GSPT1: variants seen among roughly 807,000 people sequenced by gnomAD.
GSPT1 encodes G1 to S phase transition 1, also known as eukaryotic peptide chain release factor GTP-binding subunit ERF3A.
Under a neutral mutation model 72.5 loss-of-function variants are expected in GSPT1, and 20 were observed. That is an observed-to-expected ratio of 0.28 (90% CI 0.19 to 0.40). The LOEUF (loss-of-function observed/expected upper bound fraction) is 0.40, where lower values mean the gene tolerates loss of function less well. GSPT1 is among the 10% of genes least tolerant of loss of function. GSPT1 has a pLI of 1.00. For synonymous variants in GSPT1, 334 were observed against 293.5 expected (o/e 1.14, Z -1.41); for missense variants, 580 against 811.9 (o/e 0.71, Z 3.47).
At position 11,883,105 on chromosome 16, in the gene GSPT1, T is replaced by C. The variant is rs192537751; in HGVS notation, c.1348-10A>G. ...CCACAGTGCCCATATCCTGATCAAATGTAAAATAAAATCCAGTTTCAGACT... is the reference window on the plus strand; with the variant it reads ...CCACAGTGCCCATATCCTGATCAAACGTAAAATAAAATCCAGTTTCAGACT... On this transcript the variant is annotated splice_polypyrimidine_tract_variant and intron_variant, in intron 10 of 14. Coordinates refer to ENST00000434724, the MANE Select transcript of GSPT1 (RefSeq NM_002094.4). 1.3e-5 allele frequency: 20 copies of C among 1,574,512 alleles called. No individual in the cohort carries two copies. In the African/African-American group the frequency reaches 2.4e-4, roughly 19 times the overall value.
At position 11,889,695 on chromosome 16, in the gene GSPT1, A is replaced by G. The variant is rs1242684107; in HGVS notation, c.776+1367T>C. Among the ~76,000 whole-genome samples the G allele has an allele frequency of 2.6e-5, 4 of 151,684 alleles. No individual in the cohort carries two copies. The East Asian group carries it at 7.9e-4, about 30-fold the overall frequency. ...CTAATTTTGTATTTTTAGTAGAGAC[A>G]GGGTTTCTCCATGTTGGTCAGGCTG... On this transcript the variant is annotated intron_variant, in intron 6 of 14. Coordinates refer to ENST00000434724, the MANE Select transcript of GSPT1 (RefSeq NM_002094.4).
intron 1 of GSPT1, among the ~76,000 whole-genome samples, chr16:11,905,786 G>T (rs1156662177): frequency 1.3e-5 from 2 of 152,122 alleles, no homozygotes; most frequent in African/African-American, 4.8e-5. Context: ...AGTGAGCTGA[G>T]ATCACTGAGT....
At chr16:11,873,657 A>T (rs1221323438) in intron 14 of GSPT1, among the ~76,000 whole-genome samples, 1 of 152,056 alleles carries the variant, frequency 6.6e-6, no homozygotes, top group Non-Finnish European at 1.5e-5. Context: ...GTGCGACTTC[A>T]GCTGACTGCA....
rs1182877618 is a variant in GSPT1, at chr16:11,877,551, G to A, written c.1458C>T (p.Ser486=). 5.0e-6 allele frequency: 8 copies of A among 1,596,652 alleles called. No homozygotes were observed. Among genetic ancestry groups the A allele is most frequent in the South Asian group, 3.4e-5 (3 of 87,332 alleles). The change falls in exon 12 of 15, where the codon TCC becomes TCT. Residue 486 remains serine (S), a synonymous_variant. Coordinates refer to ENST00000434724, the MANE Select transcript of GSPT1 (RefSeq NM_002094.4). The surrounding 1 kb of genome is among the most constrained non-coding windows in gnomAD (Gnocchi z 4.0). ...CTACGGTATCAGTCTCTACATCATCGGAAAGTATTCCAAGAACTTCCACGT... is the reference window on the plus strand; with the variant it reads ...CTACGGTATCAGTCTCTACATCATCAGAAAGTATTCCAAGAACTTCCACGT... ...KHNVEVLGIL[S]DDVETDTVAP...
chr16:11,889,681 T>G (rs1343974877), intron 6 of GSPT1, among the ~76,000 whole-genome samples: 1 of 151,762 alleles, frequency 6.6e-6, no homozygotes, highest in African/African-American at 2.4e-5. Flanking sequence ...TAATTTTGTA[T>G]TTTTAGTAGA....
At position 11,877,025 on chromosome 16, in the gene GSPT1, T is replaced by C; in HGVS notation, c.1602+382A>G. ...CATTCTCCCAGGGAGGTTAGATTGT[T>C]AATAACAGGGAAACCTGTGTGATTT... On this transcript the variant is annotated intron_variant, in intron 12 of 14. Transcript: ENST00000434724. The surrounding 1 kb of genome is among the most constrained non-coding windows in gnomAD (Gnocchi z 4.0). Among the ~76,000 whole-genome samples, 1 of 152,250 alleles carries C rather than the reference T, an allele frequency of 6.6e-6. No homozygotes were observed. Among genetic ancestry groups the C allele is most frequent in the South Asian group, 2.1e-4 (1 of 4,834 alleles).
In GSPT1 at chr16:11,883,227, A is replaced by G. The variant is rs2054143438; in HGVS notation, c.1348-132T>C. ...TTGCTTAAGTAGAAGGCTTAGGTTC[A>G]TCTTAAACTCAGTAACAAATACTCT... On this transcript the variant is annotated intron_variant, in intron 10 of 14. Coordinates refer to ENST00000434724, the MANE Select transcript of GSPT1 (RefSeq NM_002094.4). The G allele has an allele frequency of 8.0e-6, 5 of 622,400 alleles. No homozygotes were observed. The East Asian group carries it at 1.4e-4, about 17-fold the overall frequency. 38.6% of individuals were successfully genotyped at this position (622,400 alleles called of 1,614,324 possible). A position where few individuals can be genotyped will look rare whatever the true frequency, so the allele number is the denominator to read the frequency against.
At chr16:11,873,626 C>G (rs924593340) in intron 14 of GSPT1, among the ~76,000 whole-genome samples, 1 of 151,696 alleles carries the variant, frequency 6.6e-6, no homozygotes, top group African/African-American at 2.4e-5. Flanking sequence ...CTTACTCTGT[C>G]ACCCAGGCTG....
Position 11,877,783 on chromosome 16 carries a change from G to T in GSPT1, c.1429-203C>A, listed in dbSNP as rs966601914. On this transcript the variant is annotated intron_variant, in intron 11 of 14. Transcript: ENST00000434724. This position sits in a 1 kb window ranked among gnomAD's most constrained non-coding sequence, Gnocchi z 4.0. ...TATAACTGCCAATTAAAGTATTAACGTGTCACCTTTTAAATATCACATTCT... is the reference window on the plus strand; with the variant it reads ...TATAACTGCCAATTAAAGTATTAACTTGTCACCTTTTAAATATCACATTCT... Among the ~76,000 whole-genome samples, 2 of 152,140 alleles carry T rather than the reference G, an allele frequency of 1.3e-5. No individual in the cohort carries two copies. The highest frequency in any genetic ancestry group is 1.9e-4 in the East Asian group (1 of 5,200).
At chr16:11,898,056 C>A (rs1228810191) in intron 1 of GSPT1, 21 bp from the exon 2 acceptor site, 1 of 1,500,914 alleles carries the variant, frequency 6.7e-7, no homozygotes, top group African/African-American at 1.4e-5. Flanking sequence ...GAAAGAAGTT[C>A]TATTAAAAAT....
chr16:11,908,591 T>C lies in GSPT1; in HGVS notation c.352+6778A>G, dbSNP rs1239903675. ...CCGGCTAAAACGGTGAAACCCCGTC[T>C]CTACTAAAAATACAAAAAATTAGCC... On this transcript the variant is annotated intron_variant, in intron 1 of 14. Coordinates refer to ENST00000434724, the MANE Select transcript of GSPT1 (RefSeq NM_002094.4). 4 of 106,512 alleles carry C rather than the reference T, an allele frequency of 3.8e-5. 1 individual carries two copies. The highest frequency in any genetic ancestry group is 7.0e-5 in the Non-Finnish European group (4 of 56,808). 6.6% of individuals were successfully genotyped at this position (106,512 alleles called of 1,614,324 possible).
chr16:11,914,187 T>G (rs1225680680), intron 1 of GSPT1, among the ~76,000 whole-genome samples: 1 of 152,206 alleles, frequency 6.6e-6, no homozygotes, highest in Non-Finnish European at 1.5e-5. Context: ...CCTTTTTCAT[T>G]TTCTCTTTAA....
chr16:11,875,003 A>G (rs2054025419), intron 14 of GSPT1, among the ~76,000 whole-genome samples: 1 of 152,228 alleles, frequency 6.6e-6, no homozygotes, highest in Non-Finnish European at 1.5e-5. Context: ...CATCCTGGCT[A>G]ACGTGGTGAA....
rs1324475813 is a variant in GSPT1, at chr16:11,871,190, G to GT, written c.*1928dup. ...ATTTCATGCAATAGCCATAATTATA[G>GT]TTTTAAGAATCTGTAGGACAATAAC... On this transcript the variant is annotated 3_prime_UTR_variant, in exon 15 of 15. Coordinates refer to ENST00000434724, the MANE Select transcript of GSPT1 (RefSeq NM_002094.4). 1 of 152,148 alleles carries GT rather than the reference G, an allele frequency of 6.6e-6. No homozygotes were observed. Among genetic ancestry groups the GT allele is most frequent in the Non-Finnish European group, 1.5e-5 (1 of 68,028 alleles). 9.4% of individuals were successfully genotyped at this position (152,148 alleles called of 1,614,324 possible). A position where few individuals can be genotyped will look rare whatever the true frequency, so the allele number is the denominator to read the frequency against.
At chr16:11,889,610 T>A (rs1170746970) in intron 6 of GSPT1, among the ~76,000 whole-genome samples, 2 of 149,452 alleles carry the variant, frequency 1.3e-5, no homozygotes, top group Non-Finnish European at 3.0e-5. Context: ...CAGGTTCAAG[T>A]GATTCTCCTG....
chr16:11,915,622 C>T lies in GSPT1; in HGVS notation c.99G>A (p.Gln33=). 1 of 1,493,044 alleles carries T rather than the reference C, an allele frequency of 6.7e-7. No homozygotes were observed. Among genetic ancestry groups the T allele is most frequent in the Non-Finnish European group, 8.9e-7 (1 of 1,126,438 alleles). The allele number at this position is 1,493,044 out of a possible 1,614,324, so 92.5% of individuals were successfully genotyped here. Residue 33 remains glutamine, a synonymous_variant, in exon 1 of 15, where the codon CAG becomes CAA. Transcript: ENST00000434724. ...SSDSAPDCWD[Q]ADMEAPGPGP... ...CCGGCCCGGGGGCTTCCATGTCCGC[C>T]TGGTCCCAGCAGTCAGGCGCCGAGT...
intron 1 of GSPT1, among the ~76,000 whole-genome samples, chr16:11,914,345 G>A (rs1198753269): frequency 6.6e-6 from 1 of 152,110 alleles, no homozygotes; most frequent in African/African-American, 2.4e-5. Context: ...TTCACTCACC[G>A]GATATTCCTA....
intron 1 of GSPT1, among the ~76,000 whole-genome samples, chr16:11,910,348 A>G (rs2054542702): frequency 6.6e-6 from 1 of 152,190 alleles, no homozygotes; most frequent in Non-Finnish European, 1.5e-5. Flanking sequence ...CCACACTGTG[A>G]CTTCCACTAG....
chr16:11,906,093 TC>T (rs1346792220), intron 1 of GSPT1, among the ~76,000 whole-genome samples: 10 of 152,086 alleles, frequency 6.6e-5, no homozygotes, highest in African/African-American at 2.4e-4. Context: ...TTTTCTTTTT[TC>T]TTTTTGAAAT....
Sources: allele counts gnomAD v4.1 joint callset (sites outside exome capture counted in the v4.1 genomes callset), GRCh38; gene constraint gnomAD v4.1.1; non-coding constraint Gnocchi (gnomAD v3.1); transcripts MANE v1.5; gene names NCBI Gene and HGNC (gene_info 2026-07-23, HGNC 2026-07-21).